The following MPPED2 variants were observed in gnomAD, a reference collection of about 807,000 sequenced individuals.
MPPED2 encodes the protein metallophosphoesterase domain containing 2.
Under a neutral mutation model 33.0 loss-of-function variants are expected in MPPED2, and 5 were observed. The observed-to-expected ratio is 0.15, with a 90% CI of 0.08 to 0.32. The LOEUF (loss-of-function observed/expected upper bound fraction) is 0.32, where lower values mean the gene tolerates loss of function less well. Among genes scored for constraint, MPPED2 ranks in the 10% least tolerant of loss-of-function variants. The probability of loss-of-function intolerance (pLI) is 1.00; values close to 1 mark genes in which losing one functional copy is unlikely to be tolerated. For missense variants in MPPED2, 275 were observed against 372.1 expected (o/e 0.74, Z 2.15); for synonymous variants, 136 against 141.9 (o/e 0.96, Z 0.29).
chr11:30,477,276 A>G (rs1282463768), intron 4 of MPPED2, among the ~76,000 whole-genome samples: 2 of 152,082 alleles, frequency 1.3e-5, no homozygotes, highest in Non-Finnish European at 2.9e-5. Flanking sequence ...AAATAGCAGT[A>G]TCAATCCAAG....
intron 2 of MPPED2, among the ~76,000 whole-genome samples, chr11:30,560,266 G>A (rs565607494): frequency 6.6e-6 from 1 of 151,518 alleles, no homozygotes; most frequent in Non-Finnish European, 1.5e-5. Flanking sequence ...ATTAAGATAT[G>A]TATTTCATAG....
chr11:30,469,151 A>G (rs993006430), intron 4 of MPPED2, among the ~76,000 whole-genome samples: 6 of 152,246 alleles, frequency 3.9e-5, no homozygotes, highest in East Asian at 3.8e-4. Flanking sequence ...GTCTGAATAA[A>G]TATACAATAG....
intron 4 of MPPED2, among the ~76,000 whole-genome samples, chr11:30,461,462 C>T (rs1253576538): frequency 6.6e-6 from 1 of 152,120 alleles, no homozygotes; most frequent in African/African-American, 2.4e-5. Flanking sequence ...GAACTGGCCT[C>T]GGTGAGTACT....
intron 6 of MPPED2, among the ~76,000 whole-genome samples, chr11:30,413,720 C>A (rs1051578062): frequency 1.3e-5 from 2 of 152,220 alleles, no homozygotes; most frequent in Admixed American, 6.5e-5. Context: ...CCCGCCACTT[C>A]TGTTACATAT....
intron 4 of MPPED2, among the ~76,000 whole-genome samples, chr11:30,457,595 T>C (rs1207814614): frequency 6.6e-6 from 1 of 152,170 alleles, no homozygotes; most frequent in African/African-American, 2.4e-5. Flanking sequence ...ACATGTAAGA[T>C]CGTATTTAAT....
At chr11:30,539,816 T>C (rs1398586532) in intron 2 of MPPED2, among the ~76,000 whole-genome samples, 2 of 151,900 alleles carry the variant, frequency 1.3e-5, no homozygotes, top group Non-Finnish European at 2.9e-5. Context: ...GTAGTACAGG[T>C]GAGGTCTTGT....
intron 2 of MPPED2, among the ~76,000 whole-genome samples, chr11:30,536,513 T>C (rs1029451786): frequency 2.0e-5 from 3 of 152,224 alleles, no homozygotes; most frequent in African/African-American, 4.8e-5. Context: ...AGCAAAATTA[T>C]GCTATTTCTC....
intron 1 of MPPED2, among the ~76,000 whole-genome samples, chr11:30,584,389 G>A (rs577597140): frequency 7.6e-6 from 1 of 131,860 alleles, no homozygotes; most frequent in South Asian, 2.3e-4. Context: ...ACATACACTC[G>A]CCCTGCCCTT....
intron 2 of MPPED2, among the ~76,000 whole-genome samples, chr11:30,543,871 T>C (rs959330888): frequency 2.7e-5 from 4 of 148,730 alleles, no homozygotes; most frequent in African/African-American, 9.9e-5. Context: ...AGAACAGTAA[T>C]GGTGCTGAAA....
intron 3 of MPPED2, among the ~76,000 whole-genome samples, chr11:30,518,649 A>G (rs1953675768): frequency 6.6e-6 from 1 of 152,200 alleles, no homozygotes; most frequent in Admixed American, 6.5e-5. Flanking sequence ...CTATTTAGCT[A>G]TATGATTATC....
At chr11:30,402,023 G>A (rs891797125) in intron 6 of MPPED2, among the ~76,000 whole-genome samples, 37 of 151,924 alleles carry the variant, frequency 2.4e-4, no homozygotes, top group African/African-American at 7.2e-4. Context: ...AAGGGCTAAC[G>A]TATACCTCCT....
At chr11:30,401,152 G>A (rs1013183651) in intron 6 of MPPED2, among the ~76,000 whole-genome samples, 19 of 152,158 alleles carry the variant, frequency 1.2e-4, no homozygotes, top group African/African-American at 4.6e-4. Flanking sequence ...AAATAGTTTG[G>A]TTTTCGAAAA....
chr11:30,436,230 C>T (rs981995732), intron 4 of MPPED2, among the ~76,000 whole-genome samples: 2 of 152,000 alleles, frequency 1.3e-5, no homozygotes, highest in African/African-American at 4.8e-5. Flanking sequence ...ATAGTCCCTG[C>T]CACTTATTGA....
chr11:30,471,973 G>C (rs1471562798), intron 4 of MPPED2, among the ~76,000 whole-genome samples: 2 of 151,724 alleles, frequency 1.3e-5, no homozygotes, highest in African/African-American at 4.8e-5. Flanking sequence ...CATTTTTCAG[G>C]GTTGCTAAAG....
intron 1 of MPPED2, among the ~76,000 whole-genome samples, chr11:30,585,817 C>T (rs1957440270): frequency 6.6e-6 from 1 of 152,182 alleles, no homozygotes; most frequent in South Asian, 2.1e-4. Flanking sequence ...CCTCCCCGAG[C>T]GCCGAATTGC....
chr11:30,514,648 A>G (rs574708355), intron 3 of MPPED2, among the ~76,000 whole-genome samples: 3 of 152,206 alleles, frequency 2.0e-5, no homozygotes, highest in Non-Finnish European at 4.4e-5. Context: ...AGCTTTTTGT[A>G]TACCTTCTGC....
intron 4 of MPPED2, among the ~76,000 whole-genome samples, chr11:30,453,091 C>T (rs1950133049): frequency 6.6e-6 from 1 of 152,178 alleles, no homozygotes; most frequent in Non-Finnish European, 1.5e-5. Flanking sequence ...TCTTCCCCCA[C>T]TGAGAACATT....
At chr11:30,571,463 A>G (rs564387395) in intron 2 of MPPED2, among the ~76,000 whole-genome samples, 15 of 152,216 alleles carry the variant, frequency 9.9e-5, no homozygotes, top group African/African-American at 3.4e-4. Context: ...AAAGCTTCTA[A>G]GTGTACCTTT....
intron 4 of MPPED2, among the ~76,000 whole-genome samples, chr11:30,442,994 GAA>G (rs910273562): frequency 2.0e-5 from 3 of 150,448 alleles, no homozygotes; most frequent in Non-Finnish European, 4.4e-5. Flanking sequence ...CTGTCTCAAG[GAA>G]AAAAAAATAT....
Sources: gnomAD v4.1 joint callset for allele counts (sites outside exome capture counted in the v4.1 genomes callset) on GRCh38, gnomAD v4.1.1 for gene constraint, MANE v1.5 for transcripts, NCBI Gene and HGNC (gene_info 2026-07-23, HGNC 2026-07-21) for gene names.